Variants in ST7 observed in about 807,000 individuals in gnomAD.
The protein encoded by ST7 is suppression of tumorigenicity 7, also known as suppressor of tumorigenicity 7 protein.
ST7 carries 28 observed loss-of-function variants against 78.7 expected under a neutral mutation model. The observed-to-expected ratio is 0.36, with a 90% CI of 0.26 to 0.49. The LOEUF is 0.49. Among genes scored for constraint, ST7 ranks in the 20% least tolerant of loss-of-function variants. ST7 has a pLI of 0.99. For synonymous variants in ST7, 247 were observed against 249.6 expected, an observed-to-expected ratio of 0.99 and a Z score of 0.10; for missense variants, 418 against 696.0, an observed-to-expected ratio of 0.60 and a Z score of 4.49.
rs868572859 is a variant in ST7 at position 117,097,906 on chromosome 7, A to T, written c.152-1856A>T. 6.8e-3 allele frequency among the ~76,000 whole-genome samples: 210 copies of T among 30,892 alleles called. 12 individuals are homozygous for T. The highest frequency in any genetic ancestry group is 0.041 in the South Asian group (30 of 724). 20.3% of individuals were successfully genotyped at this position (30,892 alleles called of 152,430 possible). A position where few individuals can be genotyped will look rare whatever the true frequency, so the allele number is the denominator to read the frequency against. ...TATATATATATATATATATATATAT[A>T]TATTTTTTTTTTTTTTTTTTTTGAT... On this transcript the variant is annotated intron_variant, in intron 1 of 15. Transcript: ENST00000323984.
chr7:117,055,027 A>T (rs1797992448), intron 1 of ST7, among the ~76,000 whole-genome samples: 3 of 152,188 alleles, frequency 2.0e-5, no homozygotes, highest in Non-Finnish European at 4.4e-5. Flanking sequence ...GGACAATTTA[A>T]TTGAAGTAAT....
chr7:117,175,957 G>A (rs1157291900), intron 10 of ST7, among the ~76,000 whole-genome samples: 1 of 152,034 alleles, frequency 6.6e-6, no homozygotes, highest in Non-Finnish European at 1.5e-5. Flanking sequence ...AATTAATTAT[G>A]GATCTAATAG....
At chr7:117,107,718 A>G (rs957261501) in intron 2 of ST7, among the ~76,000 whole-genome samples, 3 of 149,882 alleles carry the variant, frequency 2.0e-5, no homozygotes, top group African/African-American at 7.4e-5. Flanking sequence ...GGTTCAAGCA[A>G]TTCTCCTGCC....
intron 9 of ST7, among the ~76,000 whole-genome samples, chr7:117,164,942 G>A (rs1807428160): frequency 6.6e-6 from 1 of 152,136 alleles, no homozygotes; most frequent in Admixed American, 6.5e-5. Flanking sequence ...TTTCTATGAT[G>A]CTGTGACTTT....
Position 117,222,656 on chromosome 7 carries a change from T to C in ST7, c.1638+594T>C, listed in dbSNP as rs562482578. Among the ~76,000 whole-genome samples the C allele has an allele frequency of 2.1e-3, 326 of 152,248 alleles. 1 individual carries two copies. The highest frequency in any genetic ancestry group is 3.5e-3 in the Non-Finnish European group (235 of 68,008). On this transcript the variant is annotated intron_variant, in intron 15 of 15. Coordinates refer to ENST00000323984, the MANE Select transcript of ST7 (RefSeq NM_001369598.1). Reference sequence around the variant, plus strand: ...CATCTGCATTGACAGCCAAGAACCATTGTTTCTTTGTTGAAAACTGACCAT... The same window carrying C: ...CATCTGCATTGACAGCCAAGAACCACTGTTTCTTTGTTGAAAACTGACCAT...
intron 9 of ST7, among the ~76,000 whole-genome samples, chr7:117,148,080 T>A (rs921026210): frequency 1.3e-5 from 2 of 152,186 alleles, no homozygotes; most frequent in East Asian, 3.8e-4. Flanking sequence ...ATATATCAGC[T>A]TATTTTGTCT....
chr7:117,110,428 C>T (rs1802335419), intron 2 of ST7, among the ~76,000 whole-genome samples: 1 of 152,176 alleles, frequency 6.6e-6, no homozygotes, highest in African/African-American at 2.4e-5. Flanking sequence ...TACTCTTCCC[C>T]ACCGTACAAC....
At chr7:117,049,553 G>C (rs1269138864) in intron 1 of ST7, among the ~76,000 whole-genome samples, 2 of 152,114 alleles carry the variant, frequency 1.3e-5, no homozygotes, top group East Asian at 3.8e-4. Flanking sequence ...TAGTCCACAG[G>C]TATGCCTTTC....
intron 2 of ST7, among the ~76,000 whole-genome samples, chr7:117,106,158 C>T (rs545182763): frequency 1.2e-4 from 18 of 152,138 alleles, no homozygotes; most frequent in South Asian, 6.2e-4. Context: ...GCCACCGCGC[C>T]GGGCTAATTT....
intron 9 of ST7, among the ~76,000 whole-genome samples, chr7:117,170,416 C>T (rs776433441): frequency 6.6e-6 from 1 of 152,084 alleles, no homozygotes; most frequent in African/African-American, 2.4e-5. Context: ...TTTAAAAATA[C>T]GAAATGCTGT....
intron 9 of ST7, among the ~76,000 whole-genome samples, chr7:117,168,169 G>A (rs1807710161): frequency 6.6e-6 from 1 of 151,996 alleles, no homozygotes; most frequent in Non-Finnish European, 1.5e-5. Flanking sequence ...TTTGTTTTTG[G>A]ACACAGTATA....
At chr7:117,010,864 T>G (rs1584443364) in intron 1 of ST7, among the ~76,000 whole-genome samples, 1 of 151,972 alleles carries the variant, frequency 6.6e-6, no homozygotes, top group Admixed American at 6.6e-5. Context: ...CTGAGGAGGG[T>G]AGAGGACCGT....
intron 12 of ST7, among the ~76,000 whole-genome samples, chr7:117,203,950 T>A (rs1811099858): frequency 6.6e-6 from 1 of 152,200 alleles, no homozygotes; most frequent in Non-Finnish European, 1.5e-5. Flanking sequence ...ATTTTTTGAA[T>A]GAAGCAAAGT....
intron 3 of ST7, among the ~76,000 whole-genome samples, chr7:117,124,264 T>A (rs1257479440): frequency 6.6e-6 from 1 of 152,130 alleles, no homozygotes; most frequent in Non-Finnish European, 1.5e-5. Flanking sequence ...ACACTCTTAG[T>A]GTCTGCTATC....
intron 15 of ST7, chr7:117,222,955 CT>C: frequency 6.2e-7 from 1 of 1,613,670 alleles, no homozygotes; most frequent in African/African-American, 1.3e-5. Flanking sequence ...CCTCCGGCAC[CT>C]CAATCTCAAC....
In ST7 at chr7:117,219,380, A is replaced by C. The variant is rs1792919778; in HGVS notation, c.1498+204A>C. 6.6e-6 allele frequency among the ~76,000 whole-genome samples: 1 copy of C among 152,180 alleles called. No homozygotes were observed. Among genetic ancestry groups the C allele is most frequent in the Non-Finnish European group, 1.5e-5 (1 of 68,036 alleles). ...CCTCCAAGTCTCTCCAAATTTATCA[A>C]AGGGAAAGATGCCAAAGGATTGAAA... On this transcript the variant is annotated intron_variant, in intron 14 of 15. Transcript: ENST00000323984. The surrounding 1 kb of genome is among the most constrained non-coding windows in gnomAD (Gnocchi z 5.1).
At chr7:117,223,042 C>A in intron 15 of ST7, 1 of 1,175,594 alleles carries the variant, frequency 8.5e-7, no homozygotes, top group Non-Finnish European at 1.3e-6. Flanking sequence ...CTGACCTCCG[C>A]CATCCACCCC....
At chr7:117,145,791 A>G (rs1034736716) in intron 9 of ST7, among the ~76,000 whole-genome samples, 2 of 152,170 alleles carry the variant, frequency 1.3e-5, no homozygotes, top group Admixed American at 1.3e-4. Flanking sequence ...AAATACAGAT[A>G]CCCTGTATAA....
chr7:117,190,930 G>A lies in ST7; in HGVS notation c.1248G>A (p.Val416=), dbSNP rs113964941. Residue 416 remains valine (V), a synonymous_variant, in exon 12 of 16, where the codon GTG becomes GTA. Transcript: ENST00000323984. This position sits in a 1 kb window ranked among gnomAD's most constrained non-coding sequence, Gnocchi z 5.2. Reference sequence around the variant, plus strand: ...GAGCTGTGGAATTCAATCCTCATGTGCCAAAAGTGAGTCTGTGGAATCCCC... The same window carrying A: ...GAGCTGTGGAATTCAATCCTCATGTACCAAAAGTGAGTCTGTGGAATCCCC... ...IHRAVEFNPH[V]PKYLLEMKSL... 5.0e-6 allele frequency: 8 copies of A among 1,613,184 alleles called. No individual in the cohort carries two copies. Among genetic ancestry groups the A allele is most frequent in the African/African-American group, 1.3e-5 (1 of 75,032 alleles).
Sources: allele counts gnomAD v4.1 joint callset (sites outside exome capture counted in the v4.1 genomes callset), GRCh38; gene constraint gnomAD v4.1.1; non-coding constraint Gnocchi (gnomAD v3.1); transcripts MANE v1.5; gene names NCBI Gene and HGNC (gene_info 2026-07-23, HGNC 2026-07-21).